Variants in ROBO1 observed in about 807,000 individuals in gnomAD.
The protein encoded by ROBO1 is roundabout homolog 1.
Under a neutral mutation model 195.9 loss-of-function variants are expected in ROBO1, and 149 were observed. That is an observed-to-expected ratio of 0.76 (90% CI 0.67 to 0.87). The LOEUF (loss-of-function observed/expected upper bound fraction) is 0.87. Ranked by LOEUF, ROBO1 falls within the 40% of genes least tolerant of loss-of-function variation. The pLI is 0.00. For missense variants in ROBO1, 1,933 were observed against 2,068.3 expected (o/e 0.93, Z 1.27); for synonymous variants, 816 against 733.2 (o/e 1.11, Z -1.82).
intron 2 of ROBO1, among the ~76,000 whole-genome samples, chr3:79,304,204 A>G (rs970599910): frequency 4.6e-5 from 7 of 152,224 alleles, no homozygotes; most frequent in Non-Finnish European, 7.3e-5. Context: ...TATTCTATCC[A>G]TACGGTGGAG....
At chr3:78,644,690 T>G (rs2660739) in intron 21 of ROBO1, among the ~76,000 whole-genome samples, 6 of 152,064 alleles carry the variant, frequency 3.9e-5, no homozygotes, top group Admixed American at 6.6e-5. Context: ...CAACTAGCAT[T>G]TGCTACCTAT....
intron 2 of ROBO1, among the ~76,000 whole-genome samples, chr3:79,562,584 G>A (rs1942957772): frequency 6.6e-6 from 1 of 152,000 alleles, no homozygotes; most frequent in Non-Finnish European, 1.5e-5. Flanking sequence ...TTGAAGACTA[G>A]AGAAATGTTT....
At chr3:78,942,138 A>T (rs1013866335) in intron 3 of ROBO1, among the ~76,000 whole-genome samples, 5 of 152,006 alleles carry the variant, frequency 3.3e-5, no homozygotes, top group Admixed American at 6.6e-5. Flanking sequence ...ATGTCTCTAT[A>T]AAAAATTCAA....
intron 4 of ROBO1, among the ~76,000 whole-genome samples, chr3:78,753,802 A>G (rs1322978190): frequency 6.6e-6 from 1 of 152,200 alleles, no homozygotes; most frequent in African/African-American, 2.4e-5. Context: ...AGTCTGGTAG[A>G]TCATTTTAAA....
At chr3:79,733,952 C>CT (rs747730486) in intron 1 of ROBO1, among the ~76,000 whole-genome samples, 44,429 of 138,692 alleles carry the variant, frequency 0.32, 8,360 homozygotes, top group African/African-American at 0.53. Context: ...ATCCTCCCAT[C>CT]TTTTTTTTTT....
intron 2 of ROBO1, among the ~76,000 whole-genome samples, chr3:79,468,512 C>T (rs905561927): frequency 2.6e-5 from 4 of 151,926 alleles, no homozygotes; most frequent in African/African-American, 7.3e-5. Flanking sequence ...AGAGGTAAGT[C>T]GTATGTAATC....
intron 4 of ROBO1, among the ~76,000 whole-genome samples, chr3:78,783,041 A>G (rs2083726033): frequency 6.6e-6 from 1 of 152,216 alleles, no homozygotes; most frequent in African/African-American, 2.4e-5. Flanking sequence ...ACAAAGGAAT[A>G]ATAGATTTTT....
chr3:78,855,341 G>GT (rs1361483742), intron 4 of ROBO1, among the ~76,000 whole-genome samples: 5 of 152,092 alleles, frequency 3.3e-5, no homozygotes, highest in Non-Finnish European at 5.9e-5. Flanking sequence ...CTTGATTAAC[G>GT]TAAGTCTACT....
chr3:79,551,608 A>G (rs1483833839), intron 2 of ROBO1, among the ~76,000 whole-genome samples: 1 of 152,034 alleles, frequency 6.6e-6, no homozygotes, highest in Non-Finnish European at 1.5e-5. Flanking sequence ...AAGAAAGAAA[A>G]TATTAATCTA....
At chr3:78,758,481 A>T (rs2082999945) in intron 4 of ROBO1, among the ~76,000 whole-genome samples, 1 of 143,130 alleles carries the variant, frequency 7.0e-6, no homozygotes, top group African/African-American at 2.7e-5. Flanking sequence ...AGCCATGGTC[A>T]TGCCACTTCA....
intron 1 of ROBO1, among the ~76,000 whole-genome samples, chr3:79,649,750 G>A (rs186210206): frequency 2.0e-4 from 31 of 152,112 alleles, no homozygotes; most frequent in Non-Finnish European, 2.1e-4. Context: ...TAGACTAGGC[G>A]GGAATAATCT....
At chr3:79,272,281 C>T (rs922173145) in intron 2 of ROBO1, among the ~76,000 whole-genome samples, 1 of 151,832 alleles carries the variant, frequency 6.6e-6, no homozygotes, top group African/African-American at 2.4e-5. Context: ...GAGTATAGTT[C>T]TATTATTACT....
At chr3:79,110,209 T>C (rs930817695) in intron 3 of ROBO1, among the ~76,000 whole-genome samples, 2 of 152,132 alleles carry the variant, frequency 1.3e-5, no homozygotes, top group African/African-American at 4.8e-5. Flanking sequence ...ATGTAAGTTA[T>C]TACAGTGAGT....
chr3:79,257,569 T>G (rs2082859054), intron 2 of ROBO1, among the ~76,000 whole-genome samples: 1 of 152,274 alleles, frequency 6.6e-6, no homozygotes, highest in South Asian at 2.1e-4. Flanking sequence ...TACGTTTCAT[T>G]TATTGAACAG....
At chr3:79,711,138 C>T (rs114205815) in intron 1 of ROBO1, among the ~76,000 whole-genome samples, 4,137 of 152,130 alleles carry the variant, frequency 0.027, 178 homozygotes, top group African/African-American at 0.094. Context: ...TATGAATCTA[C>T]TTGTGAGTCC....
chr3:78,719,429 T>C (rs2081988095), intron 5 of ROBO1, among the ~76,000 whole-genome samples: 1 of 152,142 alleles, frequency 6.6e-6, no homozygotes, highest in Non-Finnish European at 1.5e-5. Context: ...TTAGTACTTT[T>C]GAACATCCGT....
intron 2 of ROBO1, among the ~76,000 whole-genome samples, chr3:79,213,837 T>G (rs1314262660): frequency 6.8e-6 from 1 of 147,564 alleles, no homozygotes; most frequent in Non-Finnish European, 1.5e-5. Flanking sequence ...TTTTTTTTTT[T>G]TTGTGAGAGA....
At chr3:79,372,338 C>G (rs2635729) in intron 2 of ROBO1, among the ~76,000 whole-genome samples, 33 of 152,040 alleles carry the variant, frequency 2.2e-4, no homozygotes, top group African/African-American at 7.7e-4. Flanking sequence ...TCCCGAGTAG[C>G]TGGGATTACA....
At chr3:79,340,156 CT>C (rs2034850502) in intron 2 of ROBO1, among the ~76,000 whole-genome samples, 2 of 152,206 alleles carry the variant, frequency 1.3e-5, no homozygotes, top group Non-Finnish European at 2.9e-5. Flanking sequence ...ATCTGCTGGC[CT>C]TTCCCCATCA....
Sources: gnomAD v4.1 joint callset for allele counts (sites outside exome capture counted in the v4.1 genomes callset) on GRCh38, gnomAD v4.1.1 for gene constraint, MANE v1.5 for transcripts, NCBI Gene and HGNC (gene_info 2026-07-23, HGNC 2026-07-21) for gene names.